CERS6: variants seen among roughly 807,000 people sequenced by gnomAD.
CERS6 encodes the protein LAG1 homolog, ceramide synthase 6.
In CERS6, 26 loss-of-function variants were observed where a neutral mutation model predicts 56.8. The ratio of observed to expected loss-of-function variants is 0.46; its 90% CI spans 0.34 to 0.63. The LOEUF (loss-of-function observed/expected upper bound fraction) is 0.63, where lower values mean the gene tolerates loss of function less well. Ranked by LOEUF, CERS6 falls within the 30% of genes least tolerant of loss-of-function variation. CERS6 has a pLI of 0.01. For missense variants in CERS6, 415 were observed against 467.5 expected (o/e 0.89, Z 1.04); for synonymous variants, 164 against 173.3 (o/e 0.95, Z 0.42).
At chr2:168,687,382 G>A (rs1407214372) in intron 4 of CERS6, among the ~76,000 whole-genome samples, 1 of 152,158 alleles carries the variant, frequency 6.6e-6, no homozygotes, top group Non-Finnish European at 1.5e-5. Context: ...CTTTTCCCTA[G>A]TACCTTACTA....
chr2:168,704,898 G>A (rs73028466), intron 6 of CERS6, among the ~76,000 whole-genome samples: 4 of 152,272 alleles, frequency 2.6e-5, no homozygotes, highest in South Asian at 2.1e-4. Flanking sequence ...GCACCCGGCC[G>A]CACCTTTGTT....
chr2:168,672,276 A>T (rs868231370), intron 4 of CERS6, among the ~76,000 whole-genome samples: 1 of 152,220 alleles, frequency 6.6e-6, no homozygotes, highest in African/African-American at 2.4e-5. Context: ...TACAGTAATA[A>T]TCTTGTTTTT....
At chr2:168,664,576 T>C (rs565121928) in intron 4 of CERS6, among the ~76,000 whole-genome samples, 9 of 152,286 alleles carry the variant, frequency 5.9e-5, no homozygotes, top group Admixed American at 5.2e-4. Context: ...TACTTTTTGG[T>C]GATAGGCTAA....
At chr2:168,631,813 T>A (rs1246191006) in intron 4 of CERS6, among the ~76,000 whole-genome samples, 1 of 123,872 alleles carries the variant, frequency 8.1e-6, no homozygotes, top group Non-Finnish European at 1.6e-5. Flanking sequence ...ATTATATAAT[T>A]TATTATATAT....
At chr2:168,645,998 C>T (rs1270727187) in intron 4 of CERS6, among the ~76,000 whole-genome samples, 16 of 152,134 alleles carry the variant, frequency 1.1e-4, no homozygotes, top group Non-Finnish European at 1.2e-4. Flanking sequence ...CTGCAGTGAA[C>T]GTTCACATGC....
intron 1 of CERS6, among the ~76,000 whole-genome samples, chr2:168,493,030 T>C (rs936999139): frequency 2.6e-5 from 4 of 152,180 alleles, no homozygotes; most frequent in African/African-American, 9.6e-5. Flanking sequence ...GAATGTATAC[T>C]TCTGTCATTC....
At chr2:168,650,163 T>C (rs1685308891) in intron 4 of CERS6, among the ~76,000 whole-genome samples, 1 of 152,166 alleles carries the variant, frequency 6.6e-6, no homozygotes, top group South Asian at 2.1e-4. Context: ...AATTCTGACA[T>C]CAGGGGAATA....
intron 2 of CERS6, among the ~76,000 whole-genome samples, chr2:168,548,455 C>G (rs1334520179): frequency 6.6e-6 from 1 of 152,122 alleles, no homozygotes; most frequent in East Asian, 1.9e-4. Context: ...GAAAATAGAG[C>G]AAATTACCGA....
chr2:168,760,203 A>G (rs185902106), intron 8 of CERS6, among the ~76,000 whole-genome samples: 26 of 152,306 alleles, frequency 1.7e-4, no homozygotes, highest in Admixed American at 1.6e-3. Flanking sequence ...GTATTAACTT[A>G]CACGATCACA....
intron 8 of CERS6, among the ~76,000 whole-genome samples, chr2:168,732,131 A>G (rs906615286): frequency 2.0e-5 from 3 of 152,178 alleles, no homozygotes; most frequent in African/African-American, 7.2e-5. Context: ...ATATGATTGC[A>G]TTTATTTCAA....
At chr2:168,623,119 C>A (rs1362391026) in intron 3 of CERS6, among the ~76,000 whole-genome samples, 4 of 152,154 alleles carry the variant, frequency 2.6e-5, no homozygotes, top group Non-Finnish European at 5.9e-5. Flanking sequence ...ACCTAAAAAT[C>A]ATGTGACAAC....
At position 168,762,403 on chromosome 2, in the gene CERS6, G is replaced by A. The variant is rs772698907; in HGVS notation, c.846-3189G>A. Among the ~76,000 whole-genome samples the A allele has an allele frequency of 1.2e-4, 19 of 152,178 alleles. No individual in the cohort carries two copies. In the East Asian group the frequency reaches 1.7e-3, roughly 14 times the overall value. On this transcript the variant is annotated intron_variant, in intron 8 of 9. Coordinates refer to ENST00000305747, the MANE Select transcript of CERS6 (RefSeq NM_203463.3). ...ATAATAATGGTTATACTGGCTTTCCGTGGTTTTCCTGATTTTAAAGGAAGT... is the reference window on the plus strand; with the variant it reads ...ATAATAATGGTTATACTGGCTTTCCATGGTTTTCCTGATTTTAAAGGAAGT...
chr2:168,467,626 G>A (rs1693903560), intron 1 of CERS6, among the ~76,000 whole-genome samples: 1 of 152,196 alleles, frequency 6.6e-6, no homozygotes, highest in Admixed American at 6.5e-5. Flanking sequence ...TTTATCACCT[G>A]TGCAGTAATA....
chr2:168,723,270 A>G (rs1289527219), intron 8 of CERS6, among the ~76,000 whole-genome samples: 1 of 152,198 alleles, frequency 6.6e-6, no homozygotes, highest in African/African-American at 2.4e-5. Flanking sequence ...AGTCCCTTCC[A>G]GTTGCACACA....
chr2:168,625,327 C>G (rs13417268), intron 3 of CERS6, among the ~76,000 whole-genome samples: 45,869 of 151,956 alleles, frequency 0.3, 7,798 homozygotes, highest in African/African-American at 0.46. Context: ...TGATTGATCA[C>G]GTTAGAAGTT....
rs535703109 is a variant in CERS6, at chr2:168,657,388, C to T, written c.465+26346C>T. Among the ~76,000 whole-genome samples, 45 of 152,358 alleles carry T rather than the reference C, an allele frequency of 3.0e-4. 1 individual carries two copies. The Middle Eastern group carries it at 0.02, about 69-fold the overall frequency. On this transcript the variant is annotated intron_variant, in intron 4 of 9. Coordinates refer to ENST00000305747, the MANE Select transcript of CERS6 (RefSeq NM_203463.3). ...CCAGCTGGCTTCACCTAGTGGATCC[C>T]GCACCGGGGCTGCAGGTGGAGCTGC...
chr2:168,753,949 C>T (rs536541185), intron 8 of CERS6, among the ~76,000 whole-genome samples: 1 of 152,234 alleles, frequency 6.6e-6, no homozygotes, highest in East Asian at 1.9e-4. Flanking sequence ...CCAACTGCTC[C>T]CATCCTCCCT....
chr2:168,597,239 G>A (rs1484303277), intron 3 of CERS6, among the ~76,000 whole-genome samples: 1 of 152,152 alleles, frequency 6.6e-6, no homozygotes, highest in African/African-American at 2.4e-5. Flanking sequence ...AGGCTTGACA[G>A]TAGAGCATTA....
intron 1 of CERS6, among the ~76,000 whole-genome samples, chr2:168,486,346 A>AT (rs1238408745): frequency 6.6e-6 from 1 of 151,882 alleles, no homozygotes; most frequent in East Asian, 1.9e-4. Flanking sequence ...CAGCTTACTG[A>AT]TTTTTTTCTT....
Sources: gnomAD v4.1 joint callset for allele counts (sites outside exome capture counted in the v4.1 genomes callset) on GRCh38, gnomAD v4.1.1 for gene constraint, MANE v1.5 for transcripts, NCBI Gene and HGNC (gene_info 2026-07-23, HGNC 2026-07-21) for gene names.